Variants in PTPRF observed in about 807,000 individuals in gnomAD.
The protein encoded by PTPRF is protein tyrosine phosphatase receptor type F.
PTPRF carries 59 observed loss-of-function variants against 201.8 expected under a neutral mutation model. That is an observed-to-expected ratio of 0.29 (90% CI 0.24 to 0.36). PTPRF has a LOEUF of 0.36. Ranked by LOEUF, PTPRF falls within the 10% of genes least tolerant of loss-of-function variation. PTPRF has a pLI of 1.00. For synonymous variants in PTPRF, 1,088 were observed against 1,089.7 expected (o/e 1.00, Z 0.03); for missense variants, 2,132 against 2,690.5 (o/e 0.79, Z 4.59).
At chr1:43,601,776 T>G (rs1402085409) in intron 13 of PTPRF, among the ~76,000 whole-genome samples, 1 of 152,206 alleles carries the variant, frequency 6.6e-6, no homozygotes. Context: ...TCAGAGCATC[T>G]GTAGCTGCTT....
chr1:43,531,418 A>C (rs1393306810), intron 1 of PTPRF, among the ~76,000 whole-genome samples: 1 of 73,496 alleles, frequency 1.4e-5, no homozygotes, highest in African/African-American at 5.4e-5. Context: ...ACCCAGCGCA[A>C]AGTTTCCCGT....
chr1:43,553,376 A>T lies in PTPRF; in HGVS notation c.92-116A>T. 1 of 1,162,538 alleles carries T rather than the reference A, an allele frequency of 8.6e-7. No homozygotes were observed. The highest frequency in any genetic ancestry group is 1.2e-6 in the Non-Finnish European group (1 of 808,990). 72.0% of individuals were successfully genotyped at this position (1,162,538 alleles called of 1,614,324 possible). A position where few individuals can be genotyped will look rare whatever the true frequency, so the allele number is the denominator to read the frequency against. ...ACATACTAAGCGCTACATAAAGGTG[A>T]GGTGTCCTTGTTTTCTTTGTAGGTC... On this transcript the variant is annotated intron_variant, in intron 3 of 33. Coordinates refer to ENST00000359947, the MANE Select transcript of PTPRF (RefSeq NM_002840.5). This position sits in a 1 kb window ranked among gnomAD's most constrained non-coding sequence, Gnocchi z 4.1.
Position 43,597,746 on chromosome 1 carries a change from AG to A in PTPRF, c.1814-1del. On this transcript the variant is annotated splice_acceptor_variant, in intron 11 of 33. Coordinates refer to ENST00000359947, the MANE Select transcript of PTPRF (RefSeq NM_002840.5). LOFTEE classifies it high-confidence loss of function. ...TGCTTCCCCCCCATTTGTCTTCCCC[AG>A]CCCCCTCCGCCCCTCCCCAGAAGGT... 4.0e-6 allele frequency: 3 copies of A among 744,526 alleles called. No individual in the cohort carries two copies. Among genetic ancestry groups the A allele is most frequent in the South Asian group, 2.5e-5 (1 of 39,230 alleles). The allele number at this position is 744,526 out of a possible 1,614,324, so 46.1% of individuals were successfully genotyped here. A position where few individuals can be genotyped will look rare whatever the true frequency, so the allele number is the denominator to read the frequency against.
chr1:43,582,318 G>A (rs552773321), intron 7 of PTPRF, among the ~76,000 whole-genome samples: 3 of 152,360 alleles, frequency 2.0e-5, no homozygotes, highest in South Asian at 2.1e-4. Context: ...GTGGGGGGAT[G>A]TGTCATCCAG....
intron 6 of PTPRF, among the ~76,000 whole-genome samples, chr1:43,571,017 A>G (rs1237592059): frequency 6.6e-6 from 1 of 151,942 alleles, no homozygotes; most frequent in African/African-American, 2.4e-5. Flanking sequence ...GGGCCCCTCC[A>G]CAGAACCACA....
At chr1:43,577,630 C>T (rs75011349) in intron 6 of PTPRF, among the ~76,000 whole-genome samples, 1 of 152,188 alleles carries the variant, frequency 6.6e-6, no homozygotes, top group African/African-American at 2.4e-5. Flanking sequence ...TCCTCTGGCT[C>T]CTGTCCAGTC....
chr1:43,531,267 C>A (rs559570926), intron 1 of PTPRF, among the ~76,000 whole-genome samples, 177 bp downstream of exon 1: 12 of 149,780 alleles, frequency 8.0e-5, no homozygotes, highest in African/African-American at 1.5e-4. Context: ...CGAAGCCCCC[C>A]CTCCACGCCC....
chr1:43,536,308 C>T (rs140194347), intron 1 of PTPRF, among the ~76,000 whole-genome samples: 2 of 152,272 alleles, frequency 1.3e-5, no homozygotes, highest in Admixed American at 6.5e-5. Flanking sequence ...CCCAGACTGA[C>T]GTGGTTCAAA....
In PTPRF at chr1:43,619,784, C is replaced by T. The variant is rs768517943; in HGVS notation, c.5037C>T (p.Thr1679=). 3.7e-6 allele frequency: 6 copies of T among 1,614,138 alleles called. No homozygotes were observed. The highest frequency in any genetic ancestry group is 2.7e-5 in the African/African-American group (2 of 74,954). The change falls in exon 29 of 34, where the codon ACC becomes ACT. Residue 1679 remains threonine, a synonymous_variant. Coordinates refer to ENST00000359947, the MANE Select transcript of PTPRF (RefSeq NM_002840.5). ...TGAACATCATGCCCTACGAATTGAC[C>T]CGTGTGTGTCTGCAGCCCATCCGTG... The part of the protein sequence containing the change: ...RLVNIMPYEL[T]RVCLQPIRGV...
intron 5 of PTPRF, among the ~76,000 whole-genome samples, chr1:43,560,745 C>T (rs1645750303): frequency 6.6e-6 from 1 of 152,172 alleles, no homozygotes; most frequent in Non-Finnish European, 1.5e-5. Flanking sequence ...CTCAGCAGCT[C>T]CTCTGTAGCC....
chr1:43,533,084 G>T (rs1205096857), intron 1 of PTPRF, among the ~76,000 whole-genome samples: 5 of 152,026 alleles, frequency 3.3e-5, no homozygotes, highest in Non-Finnish European at 7.4e-5. Context: ...TCTTTATAGT[G>T]TTTTTTTTAG....
intron 23 of PTPRF, among the ~76,000 whole-genome samples, chr1:43,614,405 C>T (rs1657222501): frequency 1.3e-5 from 2 of 152,352 alleles, no homozygotes; most frequent in South Asian, 4.1e-4. Flanking sequence ...ACACGTTCAT[C>T]TTGTTCTGGA....
intron 22 of PTPRF, among the ~76,000 whole-genome samples, chr1:43,612,358 G>C (rs1274952277): frequency 6.6e-6 from 1 of 152,228 alleles, no homozygotes; most frequent in Admixed American, 6.5e-5. Context: ...GCAGGGCACA[G>C]TGGGAGAGTA....
chr1:43,613,229 G>A (rs891269958), intron 22 of PTPRF: 8 of 314,942 alleles, frequency 2.5e-5, no homozygotes, highest in Middle Eastern at 1.1e-3. Flanking sequence ...GACTGCCACC[G>A]GTGAGGGGCA....
intron 5 of PTPRF, among the ~76,000 whole-genome samples, chr1:43,558,933 G>A: frequency 6.6e-6 from 1 of 152,220 alleles, no homozygotes; most frequent in East Asian, 1.9e-4. Flanking sequence ...TCAGTGGTGT[G>A]GGGAGGGCAC....
At chr1:43,609,317 C>A in intron 21 of PTPRF, 66 bp from the exon 22 acceptor site, 1 of 1,329,164 alleles carries the variant, frequency 7.5e-7, no homozygotes, top group Non-Finnish European at 1.1e-6. Context: ...GGCAGCCAGC[C>A]ATGCCATGTG....
chr1:43,618,107 T>C (rs1658316296), intron 25 of PTPRF, among the ~76,000 whole-genome samples, 196 bp downstream of exon 25: 1 of 152,218 alleles, frequency 6.6e-6, no homozygotes, highest in Non-Finnish European at 1.5e-5. Flanking sequence ...CACATGCTAG[T>C]GGGTTCCTTA....
At chr1:43,563,593 C>T (rs1441148553) in intron 5 of PTPRF, among the ~76,000 whole-genome samples, 8 of 151,966 alleles carry the variant, frequency 5.3e-5, no homozygotes. Context: ...CAAGAAATGC[C>T]AAGAGAAAAA....
chr1:43,618,040 T>C (rs1038527407), intron 25 of PTPRF, 129 bp downstream of exon 25: 3 of 974,946 alleles, frequency 3.1e-6, no homozygotes, highest in Non-Finnish European at 4.5e-6. Flanking sequence ...ATGCTATTGT[T>C]ACTGGGGGTA....
Sources: allele counts gnomAD v4.1 joint callset (sites outside exome capture counted in the v4.1 genomes callset), GRCh38; gene constraint gnomAD v4.1.1; non-coding constraint Gnocchi (gnomAD v3.1); transcripts MANE v1.5; gene names NCBI Gene and HGNC (gene_info 2026-07-23, HGNC 2026-07-21).